The following ANKRD45 variants were observed in gnomAD, a reference collection of about 807,000 sequenced individuals.
ANKRD45 encodes the protein ankyrin repeat domain 45.
A neutral mutation model predicts 28.1 loss-of-function variants in ANKRD45; 21 were observed. The ratio of observed to expected loss-of-function variants is 0.75; its 90% CI spans 0.53 to 1.08. The LOEUF (loss-of-function observed/expected upper bound fraction) is 1.08, where lower values mean the gene tolerates loss of function less well. Ranked by LOEUF, ANKRD45 falls within the 50% of genes least tolerant of loss-of-function variation. The pLI, the probability that ANKRD45 is intolerant of heterozygous loss-of-function variation, is 0.00. For missense variants in ANKRD45, 261 were observed against 308.7 expected (o/e 0.85, Z 1.16); for synonymous variants, 86 against 103.9 (o/e 0.83, Z 1.05).
the ANKRD45 span, among the ~76,000 whole-genome samples, chr1:173,707,649 G>A: frequency 6.6e-6 from 1 of 152,046 alleles, no homozygotes; most frequent in Non-Finnish European, 1.5e-5. Context: ...CTCTTAATAA[G>A]GAAATTCACC....
chr1:173,634,218 T>C (rs905847659), intron 3 of ANKRD45, among the ~76,000 whole-genome samples: 5 of 151,940 alleles, frequency 3.3e-5, no homozygotes, highest in Admixed American at 1.3e-4. Context: ...CAAACCAGTA[T>C]ATGAAAAGGT....
At chr1:173,634,019 CA>C (rs983626203) in intron 3 of ANKRD45, among the ~76,000 whole-genome samples, 20 of 151,828 alleles carry the variant, frequency 1.3e-4, no homozygotes, top group African/African-American at 4.6e-4. Context: ...TTCTGCACAG[CA>C]AAGGAAACAA....
the ANKRD45 span, among the ~76,000 whole-genome samples, chr1:173,703,767 T>C: frequency 1.2e-3 from 187 of 152,338 alleles, no homozygotes; most frequent in Non-Finnish European, 2.5e-3. Context: ...AACCCAGTCA[T>C]GAACCAAGCT....
At chr1:173,630,444 T>G in intron 3 of ANKRD45, among the ~76,000 whole-genome samples, 1 of 152,212 alleles carries the variant, frequency 6.6e-6, no homozygotes. Context: ...AGCTTTTATT[T>G]GTTTTTCTCT....
At chr1:173,684,262 TATTA>T in the ANKRD45 span, among the ~76,000 whole-genome samples, 1 of 152,142 alleles carries the variant, frequency 6.6e-6, no homozygotes, top group Non-Finnish European at 1.5e-5. Flanking sequence ...CATACTGACA[TATTA>T]ATTATTTGAA....
At chr1:173,646,806 C>G (rs1240210668) in intron 3 of ANKRD45, 40 bp downstream of exon 3, 1 of 1,589,690 alleles carries the variant, frequency 6.3e-7, no homozygotes, top group Non-Finnish European at 8.6e-7. Context: ...AAAAACTCAT[C>G]ACATCAGTCA....
the ANKRD45 span, among the ~76,000 whole-genome samples, chr1:173,699,194 A>G: frequency 6.6e-4 from 101 of 152,148 alleles, no homozygotes; most frequent in Non-Finnish European, 1.4e-3. Flanking sequence ...CCTACCAACC[A>G]AAAAAAGTCC....
chr1:173,704,241 C>T, the ANKRD45 span, among the ~76,000 whole-genome samples: 11 of 152,064 alleles, frequency 7.2e-5, no homozygotes, highest in Non-Finnish European at 1.6e-4. Flanking sequence ...GTCCCCATCC[C>T]ATGTGTCAAG....
intron 2 of ANKRD45, among the ~76,000 whole-genome samples, chr1:173,653,791 G>T (rs572225395): frequency 2.0e-5 from 3 of 152,052 alleles, no homozygotes; most frequent in Admixed American, 6.6e-5. Flanking sequence ...CCTGTATTGG[G>T]TGTCTATATA....
At chr1:173,685,870 G>A in the ANKRD45 span, among the ~76,000 whole-genome samples, 1 of 152,186 alleles carries the variant, frequency 6.6e-6, no homozygotes, top group Admixed American at 6.5e-5. Context: ...ATAATGACCT[G>A]TATAGAATTA....
chr1:173,663,969 T>A (rs1669898566), intron 1 of ANKRD45, among the ~76,000 whole-genome samples: 1 of 152,210 alleles, frequency 6.6e-6, no homozygotes, highest in East Asian at 1.9e-4. Context: ...AAGCAATGTT[T>A]CTCTTTACTA....
At chr1:173,691,130 G>A in the ANKRD45 span, among the ~76,000 whole-genome samples, 11,176 of 152,208 alleles carry the variant, frequency 0.073, 1,372 homozygotes, top group African/African-American at 0.25. Flanking sequence ...CTGACCACCA[G>A]GGAAATACTT....
At chr1:173,695,783 T>C in the ANKRD45 span, among the ~76,000 whole-genome samples, 2 of 152,274 alleles carry the variant, frequency 1.3e-5, no homozygotes, top group East Asian at 1.9e-4. Context: ...CTCCAACTTC[T>C]TTCCACACTG....
intron 1 of ANKRD45, among the ~76,000 whole-genome samples, chr1:173,664,383 T>C (rs924541394): frequency 6.6e-6 from 1 of 152,200 alleles, no homozygotes; most frequent in Non-Finnish European, 1.5e-5. Flanking sequence ...CCTTAGAGAA[T>C]AGAGGCAGGA....
chr1:173,674,375 T>C (rs767622689), upstream of ANKRD45, among the ~76,000 whole-genome samples: 5 of 151,994 alleles, frequency 3.3e-5, no homozygotes, highest in Non-Finnish European at 7.4e-5. Flanking sequence ...ACATTCACCA[T>C]GCTTTTGTGA....
chr1:173,616,941 C>G (rs943075984), intron 5 of ANKRD45, among the ~76,000 whole-genome samples: 1 of 152,094 alleles, frequency 6.6e-6, no homozygotes, highest in Non-Finnish European at 1.5e-5. Flanking sequence ...GGAACCCCCA[C>G]CCCCAGCCAA....
At chr1:173,665,804 T>G (rs1416228425) in intron 1 of ANKRD45, among the ~76,000 whole-genome samples, 1 of 151,346 alleles carries the variant, frequency 6.6e-6, no homozygotes, top group African/African-American at 2.4e-5. Flanking sequence ...AGTTCAGGAG[T>G]TCGAGACCAG....
At chr1:173,626,942 A>C in intron 4 of ANKRD45, 123 bp downstream of exon 4, 1 of 623,536 alleles carries the variant, frequency 1.6e-6, no homozygotes, top group Non-Finnish European at 2.8e-6. Flanking sequence ...GAAGAAGGAA[A>C]GAAAGAGGGA....
intron 5 of ANKRD45, chr1:173,612,570 T>C: frequency 6.6e-6 from 1 of 152,342 alleles, no homozygotes; most frequent in East Asian, 1.9e-4. Flanking sequence ...AAAAAGACAA[T>C]GACCCTCTCC....
Sources: gnomAD v4.1 joint callset for allele counts (sites outside exome capture counted in the v4.1 genomes callset) on GRCh38, gnomAD v4.1.1 for gene constraint, MANE v1.5 for transcripts, NCBI Gene and HGNC (gene_info 2026-07-23, HGNC 2026-07-21) for gene names.